The following PIK3C2G variants were observed in gnomAD, a reference collection of about 807,000 sequenced individuals.
PIK3C2G encodes the protein phosphatidylinositol 3-kinase C2 domain-containing subunit gamma.
PIK3C2G carries 168 observed loss-of-function variants against 181.1 expected under a neutral mutation model. The ratio of observed to expected loss-of-function variants is 0.93; its 90% CI spans 0.82 to 1.05. PIK3C2G has a LOEUF of 1.05. Ranked by LOEUF, PIK3C2G falls within the 50% of genes least tolerant of loss-of-function variation. The pLI is 0.00. For synonymous variants in PIK3C2G, 573 were observed against 592.2 expected (o/e 0.97, Z 0.47); for missense variants, 1,869 against 1,732.8 (o/e 1.08, Z -1.40).
At chr12:18,589,189 T>TA (rs1259390190) in intron 29 of PIK3C2G, among the ~76,000 whole-genome samples, 5 of 151,690 alleles carry the variant, frequency 3.3e-5, no homozygotes, top group African/African-American at 4.8e-5. Context: ...AAAAGTTTTT[T>TA]AAAAAAAGAA....
intron 24 of PIK3C2G, among the ~76,000 whole-genome samples, chr12:18,535,263 G>T (rs1307238587): frequency 3.3e-5 from 5 of 151,850 alleles, no homozygotes; most frequent in African/African-American, 4.8e-5. Flanking sequence ...TAATTCTGAG[G>T]TTTAAAAAAA....
intron 5 of PIK3C2G, among the ~76,000 whole-genome samples, chr12:18,305,024 T>A (rs1167221944): frequency 6.6e-6 from 1 of 152,222 alleles, no homozygotes; most frequent in Non-Finnish European, 1.5e-5. Context: ...TAATAAATCA[T>A]TCAATTAGAG....
chr12:18,479,402 A>C lies in PIK3C2G; in HGVS notation c.2505-9047A>C, dbSNP rs796733064. 2.8e-4 allele frequency among the ~76,000 whole-genome samples: 42 copies of C among 152,242 alleles called. 1 individual carries two copies. The highest frequency in any genetic ancestry group is 9.6e-4 in the African/African-American group (40 of 41,554). On this transcript the variant is annotated intron_variant, in intron 18 of 32. Coordinates refer to ENST00000538779, the MANE Select transcript of PIK3C2G (RefSeq NM_001288772.2). ...GAGCAAGGGCTGGGGAGTCAGACACACTTGGATCTGAATCCCCAGTCCACT... is the reference window on the plus strand; with the variant it reads ...GAGCAAGGGCTGGGGAGTCAGACACCCTTGGATCTGAATCCCCAGTCCACT...
chr12:18,275,616 C>T (rs1282206195), intron 1 of PIK3C2G, among the ~76,000 whole-genome samples: 2 of 152,064 alleles, frequency 1.3e-5, no homozygotes, highest in Non-Finnish European at 2.9e-5. Context: ...CTCCTGAGCT[C>T]GTGATCCACC....
intron 18 of PIK3C2G, among the ~76,000 whole-genome samples, chr12:18,454,965 T>C (rs1023984304): frequency 6.6e-6 from 1 of 152,170 alleles, no homozygotes; most frequent in African/African-American, 2.4e-5. Context: ...CCAGGGTTTT[T>C]CTCTCAAGAG....
the PIK3C2G span, among the ~76,000 whole-genome samples, chr12:18,701,133 C>G: frequency 1.3e-5 from 2 of 152,000 alleles, no homozygotes; most frequent in South Asian, 4.2e-4. Flanking sequence ...TACAGGCATG[C>G]GTCACCATGC....
chr12:18,507,249 C>A (rs1030794599), intron 24 of PIK3C2G, among the ~76,000 whole-genome samples: 1 of 151,948 alleles, frequency 6.6e-6, no homozygotes, highest in Non-Finnish European at 1.5e-5. Flanking sequence ...AGGCTGGTCT[C>A]GAACTCCTGG....
At chr12:18,585,379 A>G (rs1252814676) in intron 29 of PIK3C2G, among the ~76,000 whole-genome samples, 1 of 152,184 alleles carries the variant, frequency 6.6e-6, no homozygotes, top group Non-Finnish European at 1.5e-5. Context: ...AAAAAAAAGC[A>G]AGAGTTGTAA....
intron 31 of PIK3C2G, among the ~76,000 whole-genome samples, chr12:18,637,395 T>C (rs1949649474): frequency 1.8e-5 from 1 of 56,476 alleles, no homozygotes; most frequent in African/African-American, 5.5e-5. Context: ...TCACTTGACC[T>C]AGATATTTTT....
At chr12:18,491,584 A>G (rs1329859139) in intron 20 of PIK3C2G, 26 bp downstream of exon 20, 5 of 1,259,838 alleles carry the variant, frequency 4.0e-6, no homozygotes, top group Non-Finnish European at 5.8e-6. Flanking sequence ...CCTCAGATTA[A>G]TGGAATATTT....
intron 30 of PIK3C2G, among the ~76,000 whole-genome samples, chr12:18,602,763 G>A (rs563526304): frequency 1.3e-5 from 2 of 152,232 alleles, no homozygotes; most frequent in East Asian, 1.9e-4. Flanking sequence ...AATGAACCCG[G>A]AAGAGAGACA....
chr12:18,305,252 C>A (rs1037804503), intron 5 of PIK3C2G, among the ~76,000 whole-genome samples: 1 of 152,040 alleles, frequency 6.6e-6, no homozygotes, highest in South Asian at 2.1e-4. Flanking sequence ...AGAGTGAAAT[C>A]CCAAAGAAAG....
intron 18 of PIK3C2G, among the ~76,000 whole-genome samples, chr12:18,469,852 T>A (rs1938279453): frequency 6.6e-6 from 1 of 151,122 alleles, no homozygotes; most frequent in Admixed American, 6.6e-5. Context: ...ATTACCTAGC[T>A]ATCTTCACTA....
chr12:18,248,067 A>G (rs1422190637), exon 1 of PIK3C2G: 1 of 152,218 alleles, frequency 6.6e-6, no homozygotes, highest in Non-Finnish European at 1.5e-5. Flanking sequence ...TGGAGCTGAC[A>G]CAGAGAAAAG....
the PIK3C2G span, among the ~76,000 whole-genome samples, chr12:18,681,968 G>A: frequency 6.6e-6 from 1 of 152,002 alleles, no homozygotes; most frequent in African/African-American, 2.4e-5. Flanking sequence ...GGGTCAATGG[G>A]CTGAAACTCC....
At chr12:18,413,543 GTCCATTTGTTACATT>G (rs1458439058) in intron 16 of PIK3C2G, among the ~76,000 whole-genome samples, 2 of 151,914 alleles carry the variant, frequency 1.3e-5, no homozygotes, top group African/African-American at 2.4e-5. Context: ...CAAGCCAGAT[GTCCATTTGTTACATT>G]GTAATAATCC....
the PIK3C2G span, among the ~76,000 whole-genome samples, chr12:18,705,481 G>A: frequency 1.3e-5 from 2 of 152,062 alleles, no homozygotes; most frequent in Non-Finnish European, 2.9e-5. Flanking sequence ...GCAAAACAGA[G>A]ACCATTAAAT....
rs1938773468 is a variant in PIK3C2G, at chr12:18,338,549, G to GT, written c.1395+2dup. Reference sequence around the variant, plus strand: ...TCTAATTCTTCAGAGAAAAGGAGAGGTAAGTACATTCATTTATTACACAGT... The same window carrying GT: ...TCTAATTCTTCAGAGAAAAGGAGAGGTTAAGTACATTCATTTATTACACAGT... On this transcript the variant is annotated splice_donor_variant, in intron 9 of 32. Coordinates refer to ENST00000538779, the MANE Select transcript of PIK3C2G (RefSeq NM_001288772.2). LOFTEE classifies it high-confidence loss of function. The GT allele has an allele frequency of 6.3e-7, 1 of 1,576,596 alleles. No individual in the cohort carries two copies.
the PIK3C2G span, among the ~76,000 whole-genome samples, chr12:18,685,968 T>C: frequency 6.6e-6 from 1 of 151,796 alleles, no homozygotes; most frequent in Non-Finnish European, 1.5e-5. Flanking sequence ...GTGATGAAAA[T>C]AGTTATCCTA....
Sources: gnomAD v4.1 joint callset for allele counts (sites outside exome capture counted in the v4.1 genomes callset) on GRCh38, gnomAD v4.1.1 for gene constraint, MANE v1.5 for transcripts, NCBI Gene and HGNC (gene_info 2026-07-23, HGNC 2026-07-21) for gene names.